Variants in STIM1 observed in about 807,000 individuals in gnomAD.
STIM1 encodes the protein stromal interaction molecule 1.
STIM1 carries 25 observed loss-of-function variants against 74.7 expected under a neutral mutation model. The ratio of observed to expected loss-of-function variants is 0.33; its 90% CI spans 0.24 to 0.47. The LOEUF is 0.47. Among genes scored for constraint, STIM1 ranks in the 20% least tolerant of loss-of-function variants. The pLI, the probability that STIM1 is intolerant of heterozygous loss-of-function variation, is 1.00. For synonymous variants in STIM1, 328 were observed against 348.8 expected (o/e 0.94, Z 0.66); for missense variants, 728 against 920.8 (o/e 0.79, Z 2.71).
intron 1 of STIM1, among the ~76,000 whole-genome samples, chr11:3,963,287 A>T (rs530526718): frequency 6.6e-6 from 1 of 152,180 alleles, no homozygotes; most frequent in South Asian, 2.1e-4. Flanking sequence ...CCCTCTGTGT[A>T]TCCATGTGTT....
At chr11:4,086,403 T>C (rs369459559) in intron 11 of STIM1, 74 bp from the exon 12 acceptor site, 28 of 1,562,792 alleles carry the variant, frequency 1.8e-5, no homozygotes, top group South Asian at 1.7e-4. Flanking sequence ...CAAGCATTTA[T>C]TCATGGGCAC....
rs200912784 is a variant in STIM1 at position 4,059,298 on chromosome 11, C to T, written c.515C>T (p.Thr172Ile). Residue 172 changes from threonine (T) to isoleucine (I), a missense_variant, in exon 5 of 13, where the codon ACC (threonine) becomes ATC (isoleucine). Physicochemically the swap from Thr to Ile is moderately conservative, Grantham distance 89 (BLOSUM62 -1). This residue lies in a region of STIM1 where 132 missense variants were observed against 158.2 expected (regional missense o/e 0.83). Transcript: ENST00000526596. ...CTCAACAGGCTGGCTGTCACCAACA[C>T]CACCATGACAGGGACTGTGCTGAAG... ...HAMPRLAVTN[T>I]TMTGTVLKMT... 4 of 1,614,072 alleles carry T rather than the reference C, an allele frequency of 2.5e-6. No homozygotes were observed. Among genetic ancestry groups the T allele is most frequent in the Non-Finnish European group, 3.4e-6 (4 of 1,179,956 alleles).
At chr11:3,925,999 C>T (rs778689811) in intron 1 of STIM1, among the ~76,000 whole-genome samples, 6 of 152,086 alleles carry the variant, frequency 3.9e-5, no homozygotes, top group Non-Finnish European at 8.8e-5. Flanking sequence ...AGATTGTTTT[C>T]GTCCTGTAAT....
At chr11:3,954,526 T>G (rs2093188026) in intron 1 of STIM1, among the ~76,000 whole-genome samples, 1 of 152,188 alleles carries the variant, frequency 6.6e-6, no homozygotes, top group Non-Finnish European at 1.5e-5. Flanking sequence ...TAATTACTAT[T>G]GTGAAAAGTG....
Position 4,091,583 on chromosome 11 carries a change from C to T in STIM1, c.1936C>T (p.Arg646Cys), listed in dbSNP as rs560566339. The change falls in exon 13 of 13, where the codon CGT (arginine) becomes TGT (cysteine). Residue 646 changes from arginine to cysteine, a missense_variant. Physicochemically the swap from Arg to Cys is radical, Grantham distance 180. This residue lies in a region of STIM1 where 352 missense variants were observed against 370.1 expected (regional missense o/e 0.95). Coordinates refer to ENST00000526596, the MANE Select transcript of STIM1 (RefSeq NM_001382567.1). ...PGGSPHLDSS[R>C]SHSPSSPDPD... Reference sequence around the variant, plus strand: ...TGGCTCTCCACATTTGGATTCTTCCCGTTCTCACAGCCCCAGCTCCCCAGA... The same window carrying T: ...TGGCTCTCCACATTTGGATTCTTCCTGTTCTCACAGCCCCAGCTCCCCAGA... 22 of 1,614,216 alleles carry T rather than the reference C, an allele frequency of 1.4e-5. No homozygotes were observed. The East Asian group carries it at 2.9e-4, about 21-fold the overall frequency.
chr11:3,910,917 C>T (rs1452645617), intron 1 of STIM1, among the ~76,000 whole-genome samples: 1 of 151,978 alleles, frequency 6.6e-6, no homozygotes, highest in African/African-American at 2.4e-5. Flanking sequence ...ATCCAGGAGG[C>T]GAAGGTTGCA....
intron 1 of STIM1, among the ~76,000 whole-genome samples, chr11:3,961,009 A>ATT (rs199832384): frequency 6.8e-6 from 1 of 147,274 alleles, no homozygotes; most frequent in Non-Finnish European, 1.5e-5. Context: ...CTGAAAGGTG[A>ATT]TTTTTTTTTT....
chr11:4,076,284 G>T (rs570683498), intron 7 of STIM1, among the ~76,000 whole-genome samples: 93 of 151,646 alleles, frequency 6.1e-4, no homozygotes, highest in African/African-American at 2.2e-3. Flanking sequence ...TCAGAAGTTC[G>T]AGACCAGCCT....
At chr11:3,977,480 AGAG>A in intron 2 of STIM1, among the ~76,000 whole-genome samples, 1 of 152,352 alleles carries the variant, frequency 6.6e-6, no homozygotes, top group African/African-American at 2.4e-5. Flanking sequence ...GTGGAAACTT[AGAG>A]AAGTTACATA....
rs1400748413 is a variant in STIM1, at chr11:4,031,444, A to G, written c.385+7457A>G. Among the ~76,000 whole-genome samples the G allele has an allele frequency of 4.6e-5, 7 of 152,202 alleles. No homozygotes were observed. In the East Asian group the frequency reaches 1.2e-3, roughly 25 times the overall value. ...AATGACTAGATGATATGGTAGGTAT[A>G]TGTTTTTAAGAAACTGTCAAACTGT... is the stretch of plus-strand genomic sequence containing the variant. On this transcript the variant is annotated intron_variant, in intron 3 of 12. Coordinates refer to ENST00000526596, the MANE Select transcript of STIM1 (RefSeq NM_001382567.1).
intron 1 of STIM1, among the ~76,000 whole-genome samples, chr11:3,857,140 T>C (rs1441005324): frequency 7.2e-6 from 1 of 137,960 alleles, no homozygotes; most frequent in Non-Finnish European, 1.5e-5. Flanking sequence ...GTCTGCTTGC[T>C]AGGGAAACCA....
intron 2 of STIM1, among the ~76,000 whole-genome samples, chr11:4,005,722 A>C (rs2093772860): frequency 6.6e-6 from 1 of 152,164 alleles, no homozygotes; most frequent in Non-Finnish European, 1.5e-5. Context: ...TAAAACTTAA[A>C]GTATAATAAT....
At chr11:4,077,603 C>T (rs961632909) in intron 7 of STIM1, among the ~76,000 whole-genome samples, 77 of 152,234 alleles carry the variant, frequency 5.1e-4, no homozygotes, top group African/African-American at 1.6e-3. Flanking sequence ...ACTTATATAT[C>T]TCTTAAAATA....
intron 2 of STIM1, among the ~76,000 whole-genome samples, chr11:3,988,708 G>A (rs548915816): frequency 2.4e-4 from 37 of 152,188 alleles, no homozygotes; most frequent in African/African-American, 8.4e-4. Context: ...ATTCTGACAG[G>A]GAGAGCCATG....
At chr11:4,064,941 A>C (rs1159572347) in intron 5 of STIM1, among the ~76,000 whole-genome samples, 1 of 152,232 alleles carries the variant, frequency 6.6e-6, no homozygotes, top group African/African-American at 2.4e-5. Flanking sequence ...CATTAGAGGA[A>C]ACAAGATATA....
chr11:3,917,435 GTT>G (rs558911615), intron 1 of STIM1, among the ~76,000 whole-genome samples: 27 of 133,242 alleles, frequency 2.0e-4, no homozygotes, highest in Admixed American at 2.2e-4. Flanking sequence ...CAGGGTTTCT[GTT>G]TTTTTTTTTT....
At chr11:3,873,153 C>G (rs369286547) in intron 1 of STIM1, among the ~76,000 whole-genome samples, 7 of 152,022 alleles carry the variant, frequency 4.6e-5, no homozygotes, top group Non-Finnish European at 8.8e-5. Flanking sequence ...CGGTGGCTCA[C>G]GTCTGTAATC....
At chr11:3,929,893 T>C (rs60473343) in intron 1 of STIM1, among the ~76,000 whole-genome samples, 3,248 of 152,258 alleles carry the variant, frequency 0.021, 114 homozygotes, top group African/African-American at 0.075. Flanking sequence ...TATTAATAGA[T>C]CTGAAGTTCT....
chr11:3,868,844 A>G (rs981581233), intron 1 of STIM1, among the ~76,000 whole-genome samples: 1 of 152,204 alleles, frequency 6.6e-6, no homozygotes, highest in East Asian at 1.9e-4. Context: ...AACATTTAGC[A>G]TGTTTATTAT....
Sources: gnomAD v4.1 joint callset for allele counts (sites outside exome capture counted in the v4.1 genomes callset) on GRCh38, gnomAD v4.1.1 for gene constraint, gnomAD v4.1.1 regional missense constraint, MANE v1.5 for transcripts, NCBI Gene and HGNC (gene_info 2026-07-23, HGNC 2026-07-21) for gene names.